Variants in MORC2 observed in about 807,000 individuals in gnomAD.
MORC2 encodes the protein ATPase MORC2.
In MORC2, 30 loss-of-function variants were observed where a neutral mutation model predicts 136.0. The ratio of observed to expected loss-of-function variants is 0.22; its 90% confidence interval spans 0.17 to 0.30. The LOEUF (loss-of-function observed/expected upper bound fraction) is 0.30, where lower values mean the gene tolerates loss of function less well. MORC2 is among the 10% of genes least tolerant of loss of function. MORC2 has a pLI of 1.00. For missense variants in MORC2, 922 were observed against 1,333.1 expected (o/e 0.69, Z 4.80); for synonymous variants, 439 against 487.0 (o/e 0.90, Z 1.30).
chr22:30,932,120 G>C lies in MORC2; in HGVS notation c.2841+239C>G, dbSNP rs531925502. 2 of 470,672 alleles carry C rather than the reference G, an allele frequency of 4.2e-6. No individual in the cohort carries two copies. Among genetic ancestry groups the C allele is most frequent in the African/African-American group, 3.9e-5 (2 of 51,368 alleles). 29.2% of individuals were successfully genotyped at this position (470,672 alleles called of 1,614,324 possible). The stretch of plus-strand genomic sequence containing the variant: ...AGGGATGACTCAACTCCTAGCACCT[G>C]TGGTGGGAAGGGGTTGGCTTTCTGC... On this transcript the variant is annotated intron_variant, in intron 24 of 25. Transcript: ENST00000397641. This position sits in a 1 kb window ranked among gnomAD's most constrained non-coding sequence, Gnocchi z 4.4.
chr22:30,967,059 C>T, intron 1 of MORC2: 4 of 974,438 alleles, frequency 4.1e-6, no homozygotes, highest in Non-Finnish European at 4.9e-6. Flanking sequence ...AATGTTAGAA[C>T]ACTTACCTTC....
chr22:30,963,126 C>A lies in MORC2; in HGVS notation c.69-4432G>T, dbSNP rs116462651. 1,099 of 167,034 alleles carry A rather than the reference C, an allele frequency of 6.6e-3. 13 individuals carry two copies. Among genetic ancestry groups the A allele is most frequent in the African/African-American group, 0.025 (1,040 of 41,740 alleles). The allele number at this position is 167,034 out of a possible 1,614,324, so 10.3% of individuals were successfully genotyped here. ...AGCTAGCTGGGACTACAGGAGCCCG[C>A]AGCCACGCCCAGATAATTTTTTTGT... On this transcript the variant is annotated intron_variant, in intron 1 of 25. Transcript: ENST00000397641.
At chr22:30,929,737 G>A (rs1386365853) in intron 24 of MORC2, 1 of 152,092 alleles carries the variant, frequency 6.6e-6, no homozygotes, top group African/African-American at 2.4e-5. Context: ...CTCTAGTCTG[G>A]GCAACAGAAC....
At chr22:30,956,035 C>T (rs1300194945) in intron 3 of MORC2, among the ~76,000 whole-genome samples, 2 of 150,428 alleles carry the variant, frequency 1.3e-5, no homozygotes, top group African/African-American at 2.4e-5. Context: ...AAGCTGTCTT[C>T]CTCCATTCTG....
intron 1 of MORC2, chr22:30,967,548 A>G (rs2041147499): frequency 1.6e-6 from 2 of 1,254,912 alleles, no homozygotes; most frequent in South Asian, 1.7e-5. Context: ...AAACACTTGA[A>G]TGAAACAACT....
At position 30,941,456 on chromosome 22, in the gene MORC2, G is replaced by A. The variant is rs780282997; in HGVS notation, c.801C>T (p.Leu267=). 1.9e-6 allele frequency: 3 copies of A among 1,613,856 alleles called. No homozygotes were observed. Among genetic ancestry groups the A allele is most frequent in the East Asian group, 2.2e-5 (1 of 44,894 alleles). Residue 267 remains leucine, a synonymous_variant, in exon 9 of 26, where the codon CTC becomes CTT. Transcript: ENST00000397641. This position sits in a 1 kb window ranked among gnomAD's most constrained non-coding sequence, Gnocchi z 4.6. ...IHGHKVQTKR[L]SCCLYKPRMY... is the part of the protein sequence containing the mutation. ...ACCTGGGCTTGTACAGGCAGCAGGAGAGCCTCTTGGTCTGCACCTTGTGCC... is the reference window on the plus strand; with the variant it reads ...ACCTGGGCTTGTACAGGCAGCAGGAAAGCCTCTTGGTCTGCACCTTGTGCC...
At chr22:30,967,699 C>T in intron 1 of MORC2, 123 bp downstream of exon 1, 1 of 1,491,216 alleles carries the variant, frequency 6.7e-7, no homozygotes, top group Non-Finnish European at 8.9e-7. Flanking sequence ...TCCAGTGACA[C>T]ATTTCACTCC....
chr22:30,925,826 C>G lies in MORC2; in HGVS notation c.*977G>C, dbSNP rs1270732911. The G allele has an allele frequency of 6.5e-6, 1 of 153,402 alleles. No individual in the cohort carries two copies. The highest frequency in any genetic ancestry group is 1.5e-5 in the Non-Finnish European group (1 of 68,076). 9.5% of individuals were successfully genotyped at this position (153,402 alleles called of 1,614,324 possible). On this transcript the variant is annotated 3_prime_UTR_variant, in exon 26 of 26. Transcript: ENST00000397641. The stretch of plus-strand genomic sequence containing the variant: ...CATGGTGTGCTTCCTGCAGAGATGC[C>G]TCTGGAGTCCCTGTGGCCACGGGAT...
chr22:30,958,070 A>G (rs2040992251), intron 2 of MORC2, among the ~76,000 whole-genome samples: 1 of 152,248 alleles, frequency 6.6e-6, no homozygotes, highest in Admixed American at 6.5e-5. Context: ...GAACTAACCC[A>G]AACTTCTATT....
At chr22:30,946,029 C>A (rs183742668) in intron 6 of MORC2, among the ~76,000 whole-genome samples, 21 of 152,338 alleles carry the variant, frequency 1.4e-4, no homozygotes, top group East Asian at 7.7e-4. Context: ...AACACTCCCC[C>A]CAAAATGGAA....
chr22:30,955,265 G>C (rs1054007874), intron 3 of MORC2, among the ~76,000 whole-genome samples: 1 of 152,052 alleles, frequency 6.6e-6, no homozygotes, highest in Non-Finnish European at 1.5e-5. Flanking sequence ...GCCTTGGCCT[G>C]AGCATTTAGT....
chr22:30,959,266 G>A (rs2041009567), intron 1 of MORC2, among the ~76,000 whole-genome samples: 1 of 152,142 alleles, frequency 6.6e-6, no homozygotes, highest in East Asian at 1.9e-4. Context: ...CTCCTTGAAG[G>A]GGTTAATGTT....
In MORC2 at chr22:30,942,283, A is replaced by T; in HGVS notation, c.427-12T>A. ...AGTGGGACTATCACCTGTGGAGTAA[A>T]CATGAGCAGGCACTTTAAGGGAAGC... On this transcript the variant is annotated splice_polypyrimidine_tract_variant and intron_variant, in intron 6 of 25. Coordinates refer to ENST00000397641, the MANE Select transcript of MORC2 (RefSeq NM_001303256.3). 6.2e-7 allele frequency: 1 copy of T among 1,602,556 alleles called. No individual in the cohort carries two copies. The highest frequency in any genetic ancestry group is 1.1e-5 in the South Asian group (1 of 90,812).
rs555783198 is a variant in MORC2 at position 30,939,250 on chromosome 22, G to A, written c.1073+371C>T. Among the ~76,000 whole-genome samples, 220 of 152,142 alleles carry A rather than the reference G, an allele frequency of 1.4e-3. 1 individual carries two copies. The highest frequency in any genetic ancestry group is 4.8e-3 in the African/African-American group (198 of 41,482). Reference sequence around the variant, plus strand: ...TATATGTAACATAAAAAATAGGGTCGTATCACCAGGTGGTAGAAGTATAAG... The same window carrying A: ...TATATGTAACATAAAAAATAGGGTCATATCACCAGGTGGTAGAAGTATAAG... On this transcript the variant is annotated intron_variant, in intron 12 of 25. Coordinates refer to ENST00000397641, the MANE Select transcript of MORC2 (RefSeq NM_001303256.3).
In MORC2 at chr22:30,941,652, C is replaced by T; in HGVS notation, c.699-94G>A. On this transcript the variant is annotated intron_variant, in intron 8 of 25. Transcript: ENST00000397641. This position sits in a 1 kb window ranked among gnomAD's most constrained non-coding sequence, Gnocchi z 4.6. ...CCTCTCTGCAGGCTCTCCACCTTTC[C>T]ATGTTAGGTACTGACTTCTGCTGCT... 7 of 1,499,746 alleles carry T rather than the reference C, an allele frequency of 4.7e-6. No individual in the cohort carries two copies. The highest frequency in any genetic ancestry group is 6.3e-6 in the Non-Finnish European group (7 of 1,108,728). The allele number at this position is 1,499,746 out of a possible 1,614,324, so 92.9% of individuals were successfully genotyped here.
chr22:30,946,500 T>C (rs1221217711), intron 5 of MORC2, 51 bp from the exon 6 acceptor site: 3 of 1,492,368 alleles, frequency 2.0e-6, no homozygotes, highest in Admixed American at 1.8e-5. Flanking sequence ...CAAAAGCTCA[T>C]CTGCAAAAGA....
chr22:30,937,696 A>C lies in MORC2; in HGVS notation c.1385T>G (p.Ile462Ser), dbSNP rs2040674809. ...GTAGCCAAACTCATCCCAGAACTTG[A>C]TGATTCCCCTCTGGGCTGGAAAGCA... ...KDIAIAQRGIIKFWDEFGYLS... is the reference protein window; with the variant it reads ...KDIAIAQRGISKFWDEFGYLS... The change falls in exon 15 of 26, where the codon ATC (isoleucine) becomes AGC (serine). Residue 462 changes from isoleucine (I) to serine (S), a missense_variant. Transcript: ENST00000397641. The surrounding 1 kb of genome is among the most constrained non-coding windows in gnomAD (Gnocchi z 4.7). The C allele has an allele frequency of 6.2e-7, 1 of 1,613,978 alleles. No individual in the cohort carries two copies. The highest frequency in any genetic ancestry group is 8.5e-7 in the Non-Finnish European group (1 of 1,180,022).
chr22:30,954,063 G>T (rs77368708), intron 3 of MORC2, among the ~76,000 whole-genome samples: 1 of 152,132 alleles, frequency 6.6e-6, no homozygotes, highest in Non-Finnish European at 1.5e-5. Context: ...CAGCACTTTG[G>T]GGGGCCAAGG....
chr22:30,934,990 C>T lies in MORC2; in HGVS notation c.1984G>A (p.Ala662Thr), dbSNP rs770714218. Residue 662 changes from alanine (A) to threonine (T), a missense_variant, in exon 19 of 26, where the codon GCC becomes ACC. By Grantham distance (58) the Ala-to-Thr change is moderately conservative. This residue lies in a region of MORC2 where 184 missense variants were observed against 180.3 expected (regional missense o/e 1.02). Transcript: ENST00000397641. This position sits in a 1 kb window ranked among gnomAD's most constrained non-coding sequence, Gnocchi z 4.4. ...GGCTGGAGCAGCCTAGATGTGCTGG[C>T]CTCCTCCCGGGCTGCCAAAGCAGGG... ...KLPALAAREE[A>T]STSRLLQPPE... The T allele has an allele frequency of 3.1e-6, 5 of 1,614,050 alleles. No individual in the cohort carries two copies. In the Admixed American group the frequency reaches 5.0e-5, roughly 16 times the overall value.
Sources: allele counts gnomAD v4.1 joint callset (sites outside exome capture counted in the v4.1 genomes callset), GRCh38; gene constraint gnomAD v4.1.1; regional missense constraint gnomAD v4.1.1; non-coding constraint Gnocchi (gnomAD v3.1); transcripts MANE v1.5; gene names NCBI Gene and HGNC (gene_info 2026-07-23, HGNC 2026-07-21).